Variants in NCOA6 observed in about 807,000 individuals in gnomAD.
NCOA6 encodes the protein nuclear receptor coactivator 6.
NCOA6 carries 49 observed loss-of-function variants against 171.4 expected under a neutral mutation model. The observed-to-expected ratio is 0.29, with a 90% CI of 0.23 to 0.36. The LOEUF is 0.36. Among genes scored for constraint, NCOA6 ranks in the 10% least tolerant of loss-of-function variants. NCOA6 has a pLI of 1.00. For missense variants in NCOA6, 2,248 were observed against 2,554.5 expected (o/e 0.88, Z 2.59); for synonymous variants, 910 against 927.5 (o/e 0.98, Z 0.34).
At chr20:34,818,213 A>G (rs768344432) in intron 1 of NCOA6, among the ~76,000 whole-genome samples, 2 of 152,202 alleles carry the variant, frequency 1.3e-5, no homozygotes, top group Non-Finnish European at 2.9e-5. Flanking sequence ...GCCATTGGCC[A>G]GGCATATGGC....
chr20:34,763,779 C>T (rs2076887834), intron 5 of NCOA6, among the ~76,000 whole-genome samples: 1 of 152,166 alleles, frequency 6.6e-6, no homozygotes, highest in South Asian at 2.1e-4. Context: ...TCTAGAGCCC[C>T]AGCGAACACA....
At chr20:34,803,421 G>T (rs1431062247) in intron 1 of NCOA6, among the ~76,000 whole-genome samples, 2 of 150,502 alleles carry the variant, frequency 1.3e-5, no homozygotes, top group African/African-American at 4.9e-5. Context: ...GAGCCAATAC[G>T]GCACCACTGT....
chr20:34,770,700 G>A (rs1034650701), intron 4 of NCOA6, among the ~76,000 whole-genome samples: 2 of 151,130 alleles, frequency 1.3e-5, no homozygotes, highest in African/African-American at 2.4e-5. Context: ...GCGCGATCTC[G>A]GATCACTGTA....
intron 1 of NCOA6, among the ~76,000 whole-genome samples, chr20:34,817,460 A>T (rs2253484): frequency 0.57 from 85,740 of 151,582 alleles, 24,694 homozygotes; most frequent in South Asian, 0.76. Context: ...CTTTATAGAG[A>T]TTGTATATCA....
chr20:34,722,419 T>TA (rs1040841062), intron 14 of NCOA6, among the ~76,000 whole-genome samples: 12 of 149,196 alleles, frequency 8.0e-5, no homozygotes, highest in South Asian at 4.2e-4. Context: ...AAGTAAAAAT[T>TA]AAAAAAAAAC....
intron 12 of NCOA6, among the ~76,000 whole-genome samples, chr20:34,734,653 CTCT>C (rs2075894468): frequency 6.6e-6 from 1 of 151,942 alleles, no homozygotes. Context: ...GCCTAGTTTG[CTCT>C]TCTTTTTTTT....
intron 8 of NCOA6, among the ~76,000 whole-genome samples, chr20:34,752,897 G>A (rs1419428964): frequency 2.3e-5 from 3 of 132,626 alleles, no homozygotes; most frequent in African/African-American, 8.4e-5. Context: ...TTGGGCACAA[G>A]AGCAAAAACT....
chr20:34,805,043 C>CTTTTTT (rs202086666), intron 1 of NCOA6, among the ~76,000 whole-genome samples: 1 of 142,066 alleles, frequency 7.0e-6, no homozygotes, highest in Non-Finnish European at 1.5e-5. Flanking sequence ...TTCTTATACC[C>CTTTTTT]TTTTTTTTTT....
chr20:34,793,211 CTTCA>C (rs959711241), intron 1 of NCOA6, among the ~76,000 whole-genome samples: 1 of 152,058 alleles, frequency 6.6e-6, no homozygotes, highest in Non-Finnish European at 1.5e-5. Flanking sequence ...CTCTCTATAC[CTTCA>C]TTCTTAATTC....
chr20:34,764,781 C>T (rs1326488351), intron 5 of NCOA6, among the ~76,000 whole-genome samples: 1 of 151,896 alleles, frequency 6.6e-6, no homozygotes, highest in Non-Finnish European at 1.5e-5. Flanking sequence ...TGAGGAATCG[C>T]ACCTGGTTTT....
Position 34,754,813 on chromosome 20 carries a change from A to T in NCOA6, c.1584T>A (p.Phe528Leu), listed in dbSNP as rs369380441. The T allele has an allele frequency of 1.9e-5, 30 of 1,614,074 alleles. No homozygotes were observed. The highest frequency in any genetic ancestry group is 2.7e-5 in the African/African-American group (2 of 74,924). Residue 528 changes from phenylalanine to leucine, a missense_variant, in exon 8 of 15, where the codon TTT becomes TTA. Physicochemically the swap from Phe to Leu is conservative, Grantham distance 22. Transcript: ENST00000359003. Reference protein sequence around the residue: ...GFSAGQANPNFMQGQVPSTTA... With the variant: ...GFSAGQANPNLMQGQVPSTTA... ...TGGTCGAAGGCACCTGACCTTGCAT[A>T]AAGTTCGGATTGGCCTGTCCTGCTG...
At chr20:34,743,397 T>C in intron 10 of NCOA6, 56 bp from the exon 11 acceptor site, 3 of 1,534,944 alleles carry the variant, frequency 2.0e-6, no homozygotes, top group East Asian at 2.3e-5. Context: ...AAAATGTTGC[T>C]ACCTTTAGAG....
intron 14 of NCOA6, among the ~76,000 whole-genome samples, chr20:34,722,822 C>CT (rs1203177556): frequency 1.5e-5 from 2 of 129,278 alleles, no homozygotes; most frequent in East Asian, 4.2e-4. Context: ...CCCATCTCTA[C>CT]TAAAAAAAAT....
At chr20:34,725,152 T>C (rs555344609) in intron 14 of NCOA6, among the ~76,000 whole-genome samples, 1 of 152,210 alleles carries the variant, frequency 6.6e-6, no homozygotes, top group South Asian at 2.1e-4. Context: ...TTAATACATA[T>C]TTGATAGATG....
At chr20:34,781,286 T>A (rs2077511110) in intron 3 of NCOA6, among the ~76,000 whole-genome samples, 1 of 152,210 alleles carries the variant, frequency 6.6e-6, no homozygotes, top group Non-Finnish European at 1.5e-5. Context: ...ATTTAGGATT[T>A]GTGATAAAAG....
chr20:34,772,576 C>T (rs1031367297), intron 4 of NCOA6, among the ~76,000 whole-genome samples: 2 of 152,114 alleles, frequency 1.3e-5, no homozygotes, highest in African/African-American at 4.8e-5. Flanking sequence ...GACTTTGTAA[C>T]CAGAGCTCTA....
At chr20:34,764,063 C>G (rs2076898700) in intron 5 of NCOA6, among the ~76,000 whole-genome samples, 1 of 142,182 alleles carries the variant, frequency 7.0e-6, no homozygotes, top group South Asian at 2.3e-4. Flanking sequence ...TTTCCCCATC[C>G]CTCTGCTTCC....
chr20:34,791,021 G>C (rs1323234543), intron 2 of NCOA6, among the ~76,000 whole-genome samples: 3 of 152,182 alleles, frequency 2.0e-5, no homozygotes, highest in Non-Finnish European at 1.5e-5. Context: ...TTGTGAGCGG[G>C]AGGTATAGGG....
At chr20:34,774,976 A>G (rs557082524) in intron 4 of NCOA6, among the ~76,000 whole-genome samples, 104 of 152,350 alleles carry the variant, frequency 6.8e-4, no homozygotes, top group Non-Finnish European at 1.1e-3. Flanking sequence ...CTGACTTGCC[A>G]AAGGAGTTCA....
Sources: allele counts gnomAD v4.1 joint callset (sites outside exome capture counted in the v4.1 genomes callset), GRCh38; gene constraint gnomAD v4.1.1; transcripts MANE v1.5; gene names NCBI Gene and HGNC (gene_info 2026-07-23, HGNC 2026-07-21).